AKR1C2: variants seen among roughly 807,000 people sequenced by gnomAD.
AKR1C2 encodes the protein 3-alpha-HSD3.
In AKR1C2, 27 loss-of-function variants were observed where a neutral mutation model predicts 39.8. The observed-to-expected ratio is 0.68, with a 90% CI of 0.50 to 0.93. The LOEUF is 0.93. Ranked by LOEUF, AKR1C2 falls within the 40% of genes least tolerant of loss-of-function variation. The probability of loss-of-function intolerance (pLI) is 0.00; values close to 1 mark genes in which losing one functional copy is unlikely to be tolerated. For synonymous variants in AKR1C2, 114 were observed against 137.9 expected (o/e 0.83, Z 1.22); for missense variants, 263 against 365.1 (o/e 0.72, Z 2.28).
upstream of AKR1C2, among the ~76,000 whole-genome samples, chr10:5,004,526 G>C (rs560500036): frequency 6.4e-4 from 97 of 152,248 alleles, no homozygotes; most frequent in Middle Eastern, 3.4e-3. Flanking sequence ...ACAGCTTTTG[G>C]TCTTTGGATA....
Position 5,001,643 on chromosome 10 carries a change from T to C in AKR1C2, c.123A>G (p.Ala41=). ...CAATATGGTGGAACCCGGCTTCTAT[T>C]GCCAATTTGACGGCCTCTAGAGCTT... The part of the protein sequence containing the change: ...KSKALEAVKL[A]IEAGFHHIDS... Residue 41 remains alanine (A), a synonymous_variant, in exon 2 of 9, where the codon GCA becomes GCG. Coordinates refer to ENST00000380753, the MANE Select transcript of AKR1C2 (RefSeq NM_001393392.1). 6.2e-7 allele frequency: 1 copy of C among 1,613,948 alleles called. No homozygotes were observed. Among genetic ancestry groups the C allele is most frequent in the Non-Finnish European group, 8.5e-7 (1 of 1,179,828 alleles).
intron 5 of AKR1C2, among the ~76,000 whole-genome samples, chr10:4,996,863 A>G (rs1837070094): frequency 1.3e-5 from 2 of 152,074 alleles, no homozygotes; most frequent in African/African-American, 2.4e-5. Flanking sequence ...TGATTATGTA[A>G]AAACCCCAAG....
intron 8 of AKR1C2, among the ~76,000 whole-genome samples, chr10:4,991,164 A>AT (rs1554772192): frequency 2.0e-5 from 3 of 151,268 alleles, no homozygotes; most frequent in Admixed American, 2.0e-4. Context: ...TACACTCTGC[A>AT]TTTGATTTTA....
At position 4,989,307 on chromosome 10, in the gene AKR1C2, C is replaced by G. The variant is rs1367555691; in HGVS notation, c.*689G>C. The G allele has an allele frequency of 6.6e-6, 1 of 152,036 alleles. No individual in the cohort carries two copies. Among genetic ancestry groups the G allele is most frequent in the East Asian group, 1.9e-4 (1 of 5,202 alleles). The allele number at this position is 152,036 out of a possible 1,614,324, so 9.4% of individuals were successfully genotyped here. ...AATGTGGAAAGTTTTCTTTTATGAA[C>G]AAGATATAATGATCAAAAAAAAGGG... On this transcript the variant is annotated 3_prime_UTR_variant, in exon 9 of 9. Transcript: ENST00000380753.
chr10:5,000,648 G>A lies in AKR1C2; in HGVS notation c.271C>T (p.Arg91Ter), dbSNP rs782616619. The change falls in exon 3 of 9, where the codon CGA (arginine) becomes TGA (stop). Residue 91 changes from arginine to a stop codon, truncating the protein, a stop_gained. Transcript: ENST00000380753. LOFTEE classifies it high-confidence loss of function. ...YTSKLWSNSHRPELVRPALER... is the reference protein window; with the variant it reads ...YTSKLWSNSH ...AAGGCTGGTCGGACCAACTCTGGTC[G>A]ATGGGAATTGCTCCAAAGCTGCAGA... is the stretch of plus-strand genomic sequence containing the variant. The A allele has an allele frequency of 2.5e-6, 4 of 1,613,674 alleles. No homozygotes were observed. Among genetic ancestry groups the A allele is most frequent in the Admixed American group, 1.7e-5 (1 of 59,972 alleles).
chr10:5,012,796 C>CTGA (rs1325683769), intron 1 of AKR1C2, among the ~76,000 whole-genome samples: 1 of 152,126 alleles, frequency 6.6e-6, no homozygotes, highest in African/African-American at 2.4e-5. Flanking sequence ...TTCAGCAATT[C>CTGA]TCATCTCTCT....
chr10:5,007,811 A>T (rs528613700), upstream of AKR1C2, among the ~76,000 whole-genome samples: 52 of 152,008 alleles, frequency 3.4e-4, no homozygotes, highest in African/African-American at 1.2e-3. Context: ...TTCCTTCCAA[A>T]TTACAATGGT....
intron 1 of AKR1C2, among the ~76,000 whole-genome samples, chr10:5,015,592 T>C (rs1176325718): frequency 6.6e-6 from 1 of 152,144 alleles, no homozygotes; most frequent in Non-Finnish European, 1.5e-5. Context: ...CCCCAGTGAT[T>C]CACTGAGGGA....
chr10:5,008,273 GA>G, upstream of AKR1C2, among the ~76,000 whole-genome samples: 1 of 139,604 alleles, frequency 7.2e-6, no homozygotes, highest in Non-Finnish European at 1.6e-5. Context: ...TCCAGACCCT[GA>G]GCAGGTTTCT....
rs1307142266 is a variant in AKR1C2, at chr10:4,988,438, A to T, written c.*1558T>A. The T allele has an allele frequency of 1.3e-5, 2 of 152,178 alleles. No homozygotes were observed. The highest frequency in any genetic ancestry group is 2.9e-5 in the Non-Finnish European group (2 of 68,036). The allele number at this position is 152,178 out of a possible 1,614,324, so 9.4% of individuals were successfully genotyped here. A position where few individuals can be genotyped will look rare whatever the true frequency, so the allele number is the denominator to read the frequency against. ...CTGAGCTAGAAATATTTTTTGGTGG[A>T]TTTCTCAGCCTAGAGGTGATATTTA... On this transcript the variant is annotated 3_prime_UTR_variant, in exon 9 of 9. Coordinates refer to ENST00000380753, the MANE Select transcript of AKR1C2 (RefSeq NM_001393392.1).
In AKR1C2 at chr10:4,988,821, T is replaced by C. The variant is rs1836744495; in HGVS notation, c.*1175A>G. ...TTCTAAAACGAAAATCATGTCTTCA[T>C]GATTAGCTGATTTGATTAGTTCCCC... On this transcript the variant is annotated 3_prime_UTR_variant, in exon 9 of 9. Coordinates refer to ENST00000380753, the MANE Select transcript of AKR1C2 (RefSeq NM_001393392.1). The C allele has an allele frequency of 1.3e-5, 2 of 151,376 alleles. No homozygotes were observed. The highest frequency in any genetic ancestry group is 1.9e-4 in the East Asian group (1 of 5,192). The allele number at this position is 151,376 out of a possible 1,614,324, so 9.4% of individuals were successfully genotyped here.
At chr10:4,990,180 G>A (rs551230219) in intron 8 of AKR1C2, 142 bp from the exon 9 acceptor site, 5 of 909,460 alleles carry the variant, frequency 5.5e-6, no homozygotes, top group African/African-American at 5.1e-5. Context: ...GTGTTTCTTT[G>A]TTTAATGAAC....
intron 5 of AKR1C2, chr10:4,997,442 T>C (rs1554773221): frequency 5.8e-6 from 1 of 173,846 alleles, no homozygotes; most frequent in Non-Finnish European, 1.2e-5. Flanking sequence ...ACTGGGAGAA[T>C]ATCTTCATTC....
chr10:4,998,186 C>T (rs147091973), intron 5 of AKR1C2, among the ~76,000 whole-genome samples: 1,669 of 150,634 alleles, frequency 0.011, 23 homozygotes, highest in Non-Finnish European at 0.015. Context: ...ACATCCGAAG[C>T]CCATGTGAAT....
intron 1 of AKR1C2, among the ~76,000 whole-genome samples, chr10:5,016,124 G>A (rs1285812217): frequency 6.6e-6 from 1 of 152,088 alleles, no homozygotes; most frequent in African/African-American, 2.4e-5. Flanking sequence ...TGGGGACACA[G>A]AGCCAAACCA....
At chr10:5,009,063 A>C (rs1837466433) in intron 1 of AKR1C2, among the ~76,000 whole-genome samples, 1 of 152,142 alleles carries the variant, frequency 6.6e-6, no homozygotes, top group South Asian at 2.1e-4. Context: ...CAGGAGGAAA[A>C]AGGAAGAGCT....
chr10:4,991,445 A>G (rs542589578), intron 8 of AKR1C2, among the ~76,000 whole-genome samples: 1 of 152,340 alleles, frequency 6.6e-6, no homozygotes, highest in South Asian at 2.1e-4. Flanking sequence ...GACATTGAGC[A>G]GGTTGGGAAG....
At chr10:5,006,803 G>A (rs1564334871), upstream of AKR1C2, among the ~76,000 whole-genome samples, 1 of 147,008 alleles carries the variant, frequency 6.8e-6, no homozygotes, top group Admixed American at 6.8e-5. Flanking sequence ...TTTTTTCGGA[G>A]TTTTGCACTG....
chr10:4,999,229 C>G lies in AKR1C2; in HGVS notation c.418G>C (p.Asp140His), dbSNP rs1554773532. Residue 140 changes from aspartate (D) to histidine (H), a missense_variant, in exon 4 of 9, where the codon GAC (aspartate) becomes CAC (histidine). Asp to His is a moderately conservative substitution (Grantham distance 81). Around this residue, in one of 3 missense-constraint regions of AKR1C2, gnomAD observed 247 missense variants for 267.9 expected, o/e 0.92. Transcript: ENST00000380753. ...PKDENGKILF[D>H]TVDLCATWEA... ...CATGTGGCACAGAGATCCACTGTGTCAAATAGTATTTTTCCATTTTCATCT... is the reference window on the plus strand; with the variant it reads ...CATGTGGCACAGAGATCCACTGTGTGAAATAGTATTTTTCCATTTTCATCT... 2.5e-6 allele frequency: 4 copies of G among 1,608,814 alleles called. No individual in the cohort carries two copies. The highest frequency in any genetic ancestry group is 3.4e-6 in the Non-Finnish European group (4 of 1,176,988).
Sources: gnomAD v4.1 joint callset for allele counts (sites outside exome capture counted in the v4.1 genomes callset) on GRCh38, gnomAD v4.1.1 for gene constraint, gnomAD v4.1.1 regional missense constraint, MANE v1.5 for transcripts, NCBI Gene and HGNC (gene_info 2026-07-23, HGNC 2026-07-21) for gene names.